FREM1: variants seen among roughly 807,000 people sequenced by gnomAD.
FREM1 encodes the protein FRAS1 related extracellular matrix 1, also known as FRAS1-related extracellular matrix protein 1.
Under a neutral mutation model 210.1 loss-of-function variants are expected in FREM1, and 220 were observed. That is an observed-to-expected ratio of 1.05 (90% CI 0.94 to 1.17). The LOEUF (loss-of-function observed/expected upper bound fraction) is 1.17. Ranked by LOEUF, FREM1 falls within the 50% of genes most tolerant of loss-of-function variation. The pLI, the probability that FREM1 is intolerant of heterozygous loss-of-function variation, is 0.00. For missense variants in FREM1, 3,454 were observed against 2,675.5 expected (o/e 1.29, Z -6.42); for synonymous variants, 1,189 against 980.2 (o/e 1.21, Z -3.98).
intron 2 of FREM1, among the ~76,000 whole-genome samples, chr9:14,864,342 G>A (rs1831126491): frequency 6.6e-6 from 1 of 152,228 alleles, no homozygotes; most frequent in Non-Finnish European, 1.5e-5. Flanking sequence ...TATTCTTTCT[G>A]TATATCTGTG....
At chr9:14,850,109 G>A (rs1042226298) in intron 6 of FREM1, among the ~76,000 whole-genome samples, 3 of 152,118 alleles carry the variant, frequency 2.0e-5, no homozygotes, top group Non-Finnish European at 4.4e-5. Flanking sequence ...CAGTCTGCTC[G>A]TTTACAATTT....
chr9:14,746,278 G>C, intron 35 of FREM1, 75 bp downstream of exon 35: 2 of 1,083,558 alleles, frequency 1.8e-6, no homozygotes, highest in Non-Finnish European at 1.4e-6. Flanking sequence ...GAATGAAGCA[G>C]CTCTCCGCTT....
Position 14,859,437 on chromosome 9 carries a change from T to A in FREM1, c.377A>T (p.Tyr126Phe). ...TFIETFILWV[Y>F]LLEPDCNIIH... is the part of the protein sequence containing the mutation. ...GATGTTACAGTCTGGTTCCAGGAGA[T>A]AGACCCACAGGATAAAAGTTTCTAT... Residue 126 changes from tyrosine to phenylalanine, a missense_variant, in exon 4 of 37, where the codon TAT becomes TTT. By Grantham distance (22) the Tyr-to-Phe change is conservative (BLOSUM62 3). Coordinates refer to ENST00000380880, the MANE Select transcript of FREM1 (RefSeq NM_001379081.2). The A allele has an allele frequency of 6.2e-7, 1 of 1,613,924 alleles. No individual in the cohort carries two copies. Among genetic ancestry groups the A allele is most frequent in the African/African-American group, 1.3e-5 (1 of 75,046 alleles).
chr9:14,855,456 T>C (rs1828561089), intron 5 of FREM1, among the ~76,000 whole-genome samples: 1 of 152,080 alleles, frequency 6.6e-6, no homozygotes, highest in African/African-American at 2.4e-5. Context: ...GAGTGAAGGA[T>C]CATTTGGTCA....
rs764861201 is a variant in FREM1, at chr9:14,746,344, G to T, written c.6254+9C>A. The T allele has an allele frequency of 8.8e-6, 14 of 1,585,602 alleles. No homozygotes were observed. The highest frequency in any genetic ancestry group is 1.3e-5 in the African/African-American group (1 of 74,310). On this transcript the variant is annotated intron_variant, in intron 35 of 36. Transcript: ENST00000380880. ...AAACACCAATCAAATGTGCAATAGG[G>T]TGCCTTACTGTTCCCTGCAAGCTTG...
chr9:14,858,177 C>G (rs995177803), intron 4 of FREM1, among the ~76,000 whole-genome samples: 19 of 152,134 alleles, frequency 1.2e-4, no homozygotes, highest in African/African-American at 4.3e-4. Flanking sequence ...ATCACGCACT[C>G]AAATCCTGCG....
chr9:14,873,839 A>C (rs951630982), intron 1 of FREM1, among the ~76,000 whole-genome samples: 20 of 151,830 alleles, frequency 1.3e-4, no homozygotes, highest in African/African-American at 4.8e-4. Context: ...ACTGTTTTGA[A>C]TGTGTCCCAG....
chr9:14,906,094 T>A (rs1216401033), intron 1 of FREM1, among the ~76,000 whole-genome samples: 1 of 152,188 alleles, frequency 6.6e-6, no homozygotes, highest in African/African-American at 2.4e-5. Context: ...ATTATACTTG[T>A]ATTAGCCGTC....
At chr9:14,805,461 G>C (rs954634119) in intron 18 of FREM1, among the ~76,000 whole-genome samples, 3 of 152,228 alleles carry the variant, frequency 2.0e-5, no homozygotes, top group African/African-American at 7.2e-5. Flanking sequence ...ACCTTCCCTT[G>C]ATTAAATGAC....
chr9:14,828,505 T>G (rs1226885405), intron 10 of FREM1, among the ~76,000 whole-genome samples: 1 of 152,062 alleles, frequency 6.6e-6, no homozygotes, highest in Non-Finnish European at 1.5e-5. Flanking sequence ...CATACCTGAT[T>G]TAGTACATAA....
rs536497642 is a variant in FREM1 at position 14,884,049 on chromosome 9, C to A, written c.-267-14805G>T. On this transcript the variant is annotated intron_variant, in intron 1 of 36. Coordinates refer to ENST00000380880, the MANE Select transcript of FREM1 (RefSeq NM_001379081.2). ...TTCGAGCCCAGCCTGACTAACACGG[C>A]GAAACCCTGCCTCTACTAAAAATAC... Among the ~76,000 whole-genome samples the A allele has an allele frequency of 3.9e-4, 59 of 152,130 alleles. 1 individual carries two copies. In the South Asian group the frequency reaches 0.012, roughly 31 times the overall value.
At chr9:14,890,874 C>T (rs1249973333) in intron 1 of FREM1, among the ~76,000 whole-genome samples, 5 of 152,154 alleles carry the variant, frequency 3.3e-5, no homozygotes, top group African/African-American at 1.2e-4. Flanking sequence ...AAACATTTCC[C>T]TGAAGATTAG....
intron 3 of FREM1, among the ~76,000 whole-genome samples, 185 bp downstream of exon 3, chr9:14,863,624 G>A (rs1244257377): frequency 6.6e-6 from 1 of 152,094 alleles, no homozygotes; most frequent in Non-Finnish European, 1.5e-5. Context: ...TGACACAAGT[G>A]GAAATAACTG....
intron 1 of FREM1, among the ~76,000 whole-genome samples, chr9:14,896,059 C>A (rs776583254): frequency 1.3e-5 from 2 of 152,066 alleles, no homozygotes; most frequent in Non-Finnish European, 2.9e-5. Context: ...GAGGTCAGCA[C>A]AAGATACAGG....
chr9:14,878,027 T>C (rs1161479331), intron 1 of FREM1, among the ~76,000 whole-genome samples: 2 of 152,224 alleles, frequency 1.3e-5, no homozygotes, highest in Admixed American at 1.3e-4. Flanking sequence ...ATGATTGCAA[T>C]AGCATCCTAT....
rs201647039 is a variant in FREM1 at position 14,775,954 on chromosome 9, T to C, written c.4692A>G (p.Gln1564=). The C allele has an allele frequency of 8.1e-5, 130 of 1,613,954 alleles. No individual in the cohort carries two copies. The highest frequency in any genetic ancestry group is 3.0e-4 in the Admixed American group (18 of 60,028). Residue 1564 remains glutamine, a synonymous_variant, in exon 25 of 37, where the codon CAA becomes CAG. Transcript: ENST00000380880. ...CCACATCCTGCTGGGTGAAATTGTG[T>C]TGAAGTAGCCCTGTCCCCCACAGGT... ...QLYLWGTGLL[Q]HNFTQQDVDS...
rs964990156 is a variant in FREM1, at chr9:14,805,002, T to C, written c.3425A>G (p.Asn1142Ser). ...SLEIPFSIII[N>S]PTNDEAPDFV... ...GTCAGGAGCTTCATCATTTGTGGGG[T>C]TGATTATAATAGAAAATGGTATCTC... Residue 1142 changes from asparagine to serine, a missense_variant, in exon 19 of 37, where the codon AAC becomes AGC. By Grantham distance (46) the Asn-to-Ser change is conservative. Coordinates refer to ENST00000380880, the MANE Select transcript of FREM1 (RefSeq NM_001379081.2). The C allele has an allele frequency of 1.1e-5, 17 of 1,613,438 alleles. No individual in the cohort carries two copies. Among genetic ancestry groups the C allele is most frequent in the Non-Finnish European group, 1.4e-5 (16 of 1,179,608 alleles).
intron 1 of FREM1, among the ~76,000 whole-genome samples, chr9:14,905,811 A>T (rs1401349993): frequency 3.9e-5 from 6 of 152,174 alleles, no homozygotes; most frequent in Admixed American, 3.9e-4. Context: ...GAATGGCTTG[A>T]ACCAGGGAGG....
intron 36 of FREM1, among the ~76,000 whole-genome samples, chr9:14,738,941 C>T (rs374225528): frequency 2.1e-4 from 27 of 129,188 alleles, no homozygotes; most frequent in African/African-American, 6.2e-4. Context: ...ACCCAGGGGG[C>T]GGAAGTTGCA....
Sources: gnomAD v4.1 joint callset for allele counts (sites outside exome capture counted in the v4.1 genomes callset) on GRCh38, gnomAD v4.1.1 for gene constraint, MANE v1.5 for transcripts, NCBI Gene and HGNC (gene_info 2026-07-23, HGNC 2026-07-21) for gene names.